The following ANKRD28 variants were observed in gnomAD, a reference collection of about 807,000 sequenced individuals.
ANKRD28 encodes serine/threonine-protein phosphatase 6 regulatory ankyrin repeat subunit A.
In ANKRD28, 44 loss-of-function variants were observed where a neutral mutation model predicts 126.5. The ratio of observed to expected loss-of-function variants is 0.35; its 90% CI spans 0.27 to 0.45. The LOEUF (loss-of-function observed/expected upper bound fraction) is 0.45, where lower values mean the gene tolerates loss of function less well. ANKRD28 is among the 20% of genes least tolerant of loss of function. The probability of loss-of-function intolerance (pLI) is 1.00; values close to 1 mark genes in which losing one functional copy is unlikely to be tolerated. For synonymous variants in ANKRD28, 442 were observed against 468.5 expected, an observed-to-expected ratio of 0.94 and a Z score of 0.73; for missense variants, 1,110 against 1,316.6, an observed-to-expected ratio of 0.84 and a Z score of 2.43.
intron 1 of ANKRD28, among the ~76,000 whole-genome samples, chr3:15,813,357 C>A (rs1308318692): frequency 6.6e-6 from 1 of 152,042 alleles, no homozygotes; most frequent in Non-Finnish European, 1.5e-5. Flanking sequence ...AACAGTGAGA[C>A]CTTGTTGCAA....
chr3:15,827,993 G>A (rs2061105246), intron 1 of ANKRD28, among the ~76,000 whole-genome samples: 2 of 152,046 alleles, frequency 1.3e-5, no homozygotes. Context: ...CAAATCATTA[G>A]GGATATGCAA....
intron 2 of ANKRD28, among the ~76,000 whole-genome samples, chr3:15,775,666 C>G (rs925999157): frequency 2.0e-5 from 3 of 152,056 alleles, no homozygotes; most frequent in Non-Finnish European, 4.4e-5. Context: ...ATTAATAACA[C>G]AAAAAAGGGT....
Position 15,714,565 on chromosome 3 carries a change from A to G in ANKRD28, c.1075+13T>C. On this transcript the variant is annotated intron_variant, in intron 9 of 27. Transcript: ENST00000683139. ...AAAAAAAACCCCAAAAAAAAAACAG[A>G]AATACTTTTTACCACTCTGGATAAT... 6.4e-7 allele frequency: 1 copy of G among 1,555,368 alleles called. No individual in the cohort carries two copies. Among genetic ancestry groups the G allele is most frequent in the Non-Finnish European group, 8.6e-7 (1 of 1,158,862 alleles).
rs552527501 is a variant in ANKRD28 at position 15,724,494 on chromosome 3, G to A, written c.671C>T (p.Ser224Leu). ...CTTGCATGTCACTTCAGCTCCATGC[G>A]ACACAAGCAATTTCACTACTTCAAT... ...GHIEVVKLLV[S>L]HGAEVTCKDK... The change falls in exon 7 of 28, where the codon TCG becomes TTG. Residue 224 changes from serine (S) to leucine (L), a missense_variant. Transcript: ENST00000683139. 28 of 1,588,626 alleles carry A rather than the reference G, an allele frequency of 1.8e-5. 1 individual carries two copies. The South Asian group carries it at 1.8e-4, about 10-fold the overall frequency.
At chr3:15,813,161 T>C (rs920285761) in intron 1 of ANKRD28, among the ~76,000 whole-genome samples, 2 of 151,924 alleles carry the variant, frequency 1.3e-5, no homozygotes, top group Non-Finnish European at 2.9e-5. Context: ...AGCCCAGGTG[T>C]TCAAGACCAG....
Position 15,679,552 on chromosome 3 carries a change from A to G in ANKRD28, c.2401T>C (p.Cys801Arg). 1.2e-6 allele frequency: 2 copies of G among 1,611,390 alleles called. No individual in the cohort carries two copies. The highest frequency in any genetic ancestry group is 8.5e-7 in the Non-Finnish European group (1 of 1,178,324). ...HWACYNGHET[C>R]VELLLEQEVF... is the part of the protein sequence containing the mutation. ...TCCTGTTCTAAAAGCAGTTCTACAC[A>G]TGTCTCGTGACCTAAATAGGTGTAA... The change falls in exon 22 of 28, where the codon TGT (cysteine) becomes CGT (arginine). Residue 801 changes from cysteine to arginine, a missense_variant. Cys to Arg is a radical substitution (Grantham distance 180, BLOSUM62 -3). Transcript: ENST00000683139.
intron 7 of ANKRD28, among the ~76,000 whole-genome samples, chr3:15,722,014 C>A (rs766655753): frequency 6.6e-6 from 1 of 152,032 alleles, no homozygotes; most frequent in African/African-American, 2.4e-5. Context: ...CAAAGTGCTG[C>A]GATTACAGGC....
At chr3:15,834,019 CCT>C (rs2061267190) in intron 1 of ANKRD28, among the ~76,000 whole-genome samples, 1 of 151,862 alleles carries the variant, frequency 6.6e-6, no homozygotes, top group African/African-American at 2.4e-5. Context: ...TATTTTTTCC[CCT>C]TTCTGTAGGT....
upstream of ANKRD28, among the ~76,000 whole-genome samples, chr3:15,798,911 T>C (rs1393558319): frequency 6.6e-6 from 1 of 152,140 alleles, no homozygotes; most frequent in Non-Finnish European, 1.5e-5. Flanking sequence ...ATAAACATAA[T>C]AGTTACTTTT....
chr3:15,821,243 A>G (rs1464042175), intron 1 of ANKRD28, among the ~76,000 whole-genome samples: 1 of 152,252 alleles, frequency 6.6e-6, no homozygotes, highest in Non-Finnish European at 1.5e-5. Context: ...GCTTACTACA[A>G]AAAGCAAAAG....
chr3:15,749,101 GTTTTTTTTTT>G (rs869266246), intron 4 of ANKRD28, among the ~76,000 whole-genome samples: 3 of 53,056 alleles, frequency 5.7e-5, no homozygotes, highest in South Asian at 7.4e-4. Flanking sequence ...TTATGTTTTT[GTTTTTTTTTT>G]TTTTTTTTTT....
intron 6 of ANKRD28, among the ~76,000 whole-genome samples, chr3:15,729,659 A>C (rs2074431805): frequency 6.6e-6 from 1 of 152,170 alleles, no homozygotes; most frequent in Non-Finnish European, 1.5e-5. Context: ...AGTCTATAAA[A>C]AGTTAATAAA....
At chr3:15,831,778 T>C (rs2061196845) in intron 1 of ANKRD28, among the ~76,000 whole-genome samples, 1 of 152,154 alleles carries the variant, frequency 6.6e-6, no homozygotes, top group African/African-American at 2.4e-5. Context: ...ATAGAAGTGG[T>C]GAACTAAAAA....
At chr3:15,694,899 G>A (rs2069318912) in intron 16 of ANKRD28, 86 bp from the exon 17 acceptor site, 1 of 1,300,490 alleles carries the variant, frequency 7.7e-7, no homozygotes, top group Non-Finnish European at 1.1e-6. Flanking sequence ...ATCCACCTTA[G>A]AGTATTATTT....
intron 6 of ANKRD28, among the ~76,000 whole-genome samples, chr3:15,733,680 A>T (rs1318457629): frequency 6.6e-6 from 1 of 152,222 alleles, no homozygotes; most frequent in East Asian, 1.9e-4. Context: ...TTGCTTTTGT[A>T]AAAAATCACT....
chr3:15,679,691 C>T (rs557264742), intron 21 of ANKRD28, 128 bp from the exon 22 acceptor site: 3 of 714,642 alleles, frequency 4.2e-6, no homozygotes, highest in East Asian at 5.4e-5. Flanking sequence ...GATCCCCTCT[C>T]TGGAATATAA....
chr3:15,805,735 A>G (rs2060563593), intron 1 of ANKRD28, among the ~76,000 whole-genome samples: 1 of 152,190 alleles, frequency 6.6e-6, no homozygotes, highest in Non-Finnish European at 1.5e-5. Flanking sequence ...TGTAGTATGA[A>G]GTTAATGCAC....
At chr3:15,744,623 G>A (rs112598031) in intron 4 of ANKRD28, among the ~76,000 whole-genome samples, 8,391 of 152,186 alleles carry the variant, frequency 0.055, 668 homozygotes, top group African/African-American at 0.18. Context: ...GGCCAATACA[G>A]TATTTTCTTT....
intron 2 of ANKRD28, among the ~76,000 whole-genome samples, chr3:15,783,608 C>G (rs1424351890): frequency 6.6e-6 from 1 of 151,896 alleles, no homozygotes; most frequent in Non-Finnish European, 1.5e-5. Flanking sequence ...AACAGAGAAG[C>G]ACCTAAATGT....
Sources: allele counts gnomAD v4.1 joint callset (sites outside exome capture counted in the v4.1 genomes callset), GRCh38; gene constraint gnomAD v4.1.1; transcripts MANE v1.5; gene names NCBI Gene and HGNC (gene_info 2026-07-23, HGNC 2026-07-21).